GLS: variants seen among roughly 807,000 people sequenced by gnomAD.
The protein encoded by GLS is glutaminase kidney isoform, mitochondrial.
Under a neutral mutation model 86.7 loss-of-function variants are expected in GLS, and 36 were observed. The observed-to-expected ratio is 0.42, with a 90% CI of 0.32 to 0.55. The LOEUF is 0.55. GLS is among the 20% of genes least tolerant of loss of function. The pLI is 0.17. For missense variants in GLS, 528 were observed against 833.4 expected (o/e 0.63, Z 4.51); for synonymous variants, 317 against 305.9 (o/e 1.04, Z -0.38).
At position 190,954,909 on chromosome 2, in the gene GLS, A is replaced by G; in HGVS notation, c.1853+91A>G. On this transcript the variant is annotated intron_variant, in intron 17 of 17. Coordinates refer to ENST00000320717, the MANE Select transcript of GLS (RefSeq NM_014905.5). This position sits in a 1 kb window ranked among gnomAD's most constrained non-coding sequence, Gnocchi z 4.0. ...GATGATAATATTTCAACCTACTAAG[A>G]CATTCTTGAACCTGCTATGATATCT... 1 of 846,446 alleles carries G rather than the reference A, an allele frequency of 1.2e-6. No homozygotes were observed. The highest frequency in any genetic ancestry group is 2.5e-4 in the Middle Eastern group (1 of 3,980). 52.4% of individuals were successfully genotyped at this position (846,446 alleles called of 1,614,324 possible). A position where few individuals can be genotyped will look rare whatever the true frequency, so the allele number is the denominator to read the frequency against.
In GLS at chr2:190,902,047, T is replaced by G. The variant is rs768709023; in HGVS notation, c.815+21T>G. On this transcript the variant is annotated intron_variant, in intron 5 of 17. Transcript: ENST00000320717. The stretch of plus-strand genomic sequence containing the variant: ...CAGAGGTAAGTTTATTTCAAATTCA[T>G]GAAAACCAACTCTAAGCCTTAACTT... 6 of 1,427,048 alleles carry G rather than the reference T, an allele frequency of 4.2e-6. No individual in the cohort carries two copies. The Admixed American group carries it at 1.0e-4, about 24-fold the overall frequency. 88.4% of individuals were successfully genotyped at this position (1,427,048 alleles called of 1,614,324 possible). A position where few individuals can be genotyped will look rare whatever the true frequency, so the allele number is the denominator to read the frequency against.
chr2:190,929,621 C>T (rs923728425), intron 12 of GLS, among the ~76,000 whole-genome samples: 3 of 151,216 alleles, frequency 2.0e-5, no homozygotes, highest in Non-Finnish European at 4.4e-5. Context: ...AGGTGCCTGC[C>T]ACCACACGCG....
intron 1 of GLS, among the ~76,000 whole-genome samples, chr2:190,891,633 C>T (rs1459945152): frequency 6.6e-6 from 1 of 152,034 alleles, no homozygotes; most frequent in Non-Finnish European, 1.5e-5. Flanking sequence ...TATGGGGAAA[C>T]TAATTTGGTC....
chr2:190,951,995 C>T lies in GLS; in HGVS notation c.1651-1570C>T, dbSNP rs999711186. On this transcript the variant is annotated intron_variant, in intron 14 of 17. Coordinates refer to ENST00000320717, the MANE Select transcript of GLS (RefSeq NM_014905.5). The surrounding 1 kb of genome is among the most constrained non-coding windows in gnomAD (Gnocchi z 4.2). ...CAAGGCAGAAGGATTGCTTAAGGCC[C>T]GGAGTTCAAGACCAGCCTGGCCAAC... 1.4e-4 allele frequency among the ~76,000 whole-genome samples: 22 copies of T among 152,102 alleles called. No individual in the cohort carries two copies. The highest frequency in any genetic ancestry group is 1.0e-3 in the Admixed American group (16 of 15,270).
intron 1 of GLS, among the ~76,000 whole-genome samples, chr2:190,888,375 A>G (rs941718022): frequency 2.0e-5 from 3 of 152,208 alleles, no homozygotes; most frequent in Non-Finnish European, 2.9e-5. Flanking sequence ...TAAATGTTAC[A>G]TATTTCTCTG....
rs1299830785 is a variant in GLS at position 190,913,847 on chromosome 2, C to CT, written c.1038+3527dup. On this transcript the variant is annotated intron_variant, in intron 7 of 17. Transcript: ENST00000320717. The surrounding 1 kb of genome is among the most constrained non-coding windows in gnomAD (Gnocchi z 6.1). ...ACAAGGTCTCTCTCTGTTGCCCAGT[C>CT]TAAGTGCAGTGGTACAGTCATAACC... is the stretch of plus-strand genomic sequence containing the variant. 2 of 462,938 alleles carry CT rather than the reference C, an allele frequency of 4.3e-6. No homozygotes were observed. 28.7% of individuals were successfully genotyped at this position (462,938 alleles called of 1,614,324 possible). A position where few individuals can be genotyped will look rare whatever the true frequency, so the allele number is the denominator to read the frequency against.
Position 190,921,258 on chromosome 2 carries a change from T to C in GLS, c.1130+55T>C. On this transcript the variant is annotated intron_variant, in intron 9 of 17. Transcript: ENST00000320717. This position sits in a 1 kb window ranked among gnomAD's most constrained non-coding sequence, Gnocchi z 4.2. ...TAAAAACACACAACTGTATTTAGAA[T>C]TGATCCACTCTCTTTTCATTGGAGG... is the stretch of plus-strand genomic sequence containing the variant. 9.1e-7 allele frequency: 1 copy of C among 1,102,694 alleles called. No individual in the cohort carries two copies. The highest frequency in any genetic ancestry group is 1.5e-5 in the African/African-American group (1 of 65,154). The allele number at this position is 1,102,694 out of a possible 1,614,324, so 68.3% of individuals were successfully genotyped here.
intron 1 of GLS, among the ~76,000 whole-genome samples, chr2:190,882,312 TC>T (rs148000167): frequency 6.6e-6 from 1 of 152,356 alleles, no homozygotes; most frequent in Non-Finnish European, 1.5e-5. Context: ...TGTTGACTCA[TC>T]CTGTATGTGT....
chr2:190,933,817 A>G lies in GLS; in HGVS notation c.1650+2180A>G, dbSNP rs949361796. On this transcript the variant is annotated intron_variant, in intron 14 of 17. Coordinates refer to ENST00000320717, the MANE Select transcript of GLS (RefSeq NM_014905.5). ...TTTGTGATAAGTTATAGCATCTCATAAAGTTTGTTCTATTTGAAGTTTTTT... is the reference window on the plus strand; with the variant it reads ...TTTGTGATAAGTTATAGCATCTCATGAAGTTTGTTCTATTTGAAGTTTTTT... 4 of 663,234 alleles carry G rather than the reference A, an allele frequency of 6.0e-6. No individual in the cohort carries two copies. The African/African-American group carries it at 7.8e-5, about 13-fold the overall frequency. 41.1% of individuals were successfully genotyped at this position (663,234 alleles called of 1,614,324 possible). A position where few individuals can be genotyped will look rare whatever the true frequency, so the allele number is the denominator to read the frequency against.
chr2:190,881,704 G>A, intron 1 of GLS: 2 of 462,976 alleles, frequency 4.3e-6, no homozygotes, highest in Admixed American at 4.5e-5. Flanking sequence ...CCCGGCGGGG[G>A]TCGCCCTGGT....
At chr2:190,932,713 T>A in intron 14 of GLS, 1 of 1,585,006 alleles carries the variant, frequency 6.3e-7, no homozygotes, top group East Asian at 2.3e-5. Flanking sequence ...CTTGAACAAC[T>A]AGCATTCCTT....
chr2:190,890,597 C>A (rs984031500), intron 1 of GLS, among the ~76,000 whole-genome samples: 1 of 152,188 alleles, frequency 6.6e-6, no homozygotes, highest in Non-Finnish European at 1.5e-5. Flanking sequence ...CAGCCACCAT[C>A]AATTCAACTT....
At chr2:190,936,941 C>T (rs1690288494) in intron 14 of GLS, among the ~76,000 whole-genome samples, 1 of 151,144 alleles carries the variant, frequency 6.6e-6, no homozygotes, top group Admixed American at 6.6e-5. Flanking sequence ...GAATACTTAA[C>T]GTGTGATTTC....
intron 1 of GLS, among the ~76,000 whole-genome samples, chr2:190,893,211 G>C (rs1688621749): frequency 6.6e-6 from 1 of 152,172 alleles, no homozygotes; most frequent in African/African-American, 2.4e-5. Context: ...GTCAGGATAA[G>C]ACCTAGAAAA....
chr2:190,900,094 T>C (rs1313215757), intron 3 of GLS, among the ~76,000 whole-genome samples: 1 of 152,086 alleles, frequency 6.6e-6, no homozygotes, highest in Non-Finnish European at 1.5e-5. Flanking sequence ...TTAAGGAAAA[T>C]ATGTTATAAT....
At chr2:190,946,553 T>A (rs1022583768) in intron 14 of GLS, among the ~76,000 whole-genome samples, 1 of 152,164 alleles carries the variant, frequency 6.6e-6, no homozygotes, top group Non-Finnish European at 1.5e-5. Context: ...TTCATGTTTA[T>A]ATGAAGACAG....
chr2:190,901,672 G>A (rs1688943731), intron 4 of GLS, among the ~76,000 whole-genome samples: 1 of 151,176 alleles, frequency 6.6e-6, no homozygotes, highest in Admixed American at 6.6e-5. Flanking sequence ...TCCTCTGCTA[G>A]ACTCTCCTGC....
In GLS at chr2:190,880,949, G is replaced by T; in HGVS notation, c.-136G>T. 9.1e-7 allele frequency: 1 copy of T among 1,095,466 alleles called. No homozygotes were observed. The highest frequency in any genetic ancestry group is 1.3e-6 in the Non-Finnish European group (1 of 757,224). The allele number at this position is 1,095,466 out of a possible 1,614,324, so 67.9% of individuals were successfully genotyped here. On this transcript the variant is annotated 5_prime_UTR_variant, in exon 1 of 18. Transcript: ENST00000320717. ...GCATCCGCTGCGGGAGTCCGAGCCGGAACCACACCCAAGTAGCTGCCCTTT... is the reference window on the plus strand; with the variant it reads ...GCATCCGCTGCGGGAGTCCGAGCCGTAACCACACCCAAGTAGCTGCCCTTT...
intron 14 of GLS, among the ~76,000 whole-genome samples, chr2:190,948,025 A>G (rs1690621965): frequency 6.6e-6 from 1 of 152,234 alleles, no homozygotes; most frequent in Admixed American, 6.5e-5. Context: ...AGCTCATTTC[A>G]TAATTTATGT....
Sources: gnomAD v4.1 joint callset for allele counts (sites outside exome capture counted in the v4.1 genomes callset) on GRCh38, gnomAD v4.1.1 for gene constraint, Gnocchi (gnomAD v3.1) non-coding constraint, MANE v1.5 for transcripts, NCBI Gene and HGNC (gene_info 2026-07-23, HGNC 2026-07-21) for gene names.